The following CDH11 variants were observed in gnomAD, a reference collection of about 807,000 sequenced individuals.
The protein encoded by CDH11 is cadherin 11.
A neutral mutation model predicts 67.8 loss-of-function variants in CDH11; 11 were observed. That is an observed-to-expected ratio of 0.16 (90% CI 0.10 to 0.27). The LOEUF (loss-of-function observed/expected upper bound fraction) is 0.27, where lower values mean the gene tolerates loss of function less well. Ranked by LOEUF, CDH11 falls within the 10% of genes least tolerant of loss-of-function variation. The pLI is 1.00. For synonymous variants in CDH11, 419 were observed against 400.0 expected (o/e 1.05, Z -0.57); for missense variants, 847 against 1,031.2 (o/e 0.82, Z 2.45).
At chr16:65,082,960 G>A (rs958521239) in intron 1 of CDH11, among the ~76,000 whole-genome samples, 3 of 152,138 alleles carry the variant, frequency 2.0e-5, no homozygotes, top group African/African-American at 7.2e-5. Flanking sequence ...GGCACACAAG[G>A]GTTTTATGTA....
At chr16:65,122,163 C>A (rs974828222), upstream of CDH11, 1 of 552,592 alleles carries the variant, frequency 1.8e-6, no homozygotes, top group Non-Finnish European at 3.2e-6. Flanking sequence ...GGGAGGCTGC[C>A]GCTGTGAGGG....
At chr16:65,122,334 G>A, upstream of CDH11, 1 of 290,444 alleles carries the variant, frequency 3.4e-6, no homozygotes, top group South Asian at 3.1e-5. Context: ...GTGGCGCGGC[G>A]CTCCGACTCC....
chr16:65,094,749 A>G (rs2074857875), intron 1 of CDH11: 1 of 152,156 alleles, frequency 6.6e-6, no homozygotes, highest in African/African-American at 2.4e-5. Context: ...TTATCAAGGG[A>G]CTTAAAGGAG....
chr16:65,090,856 C>T (rs16968457), intron 1 of CDH11, among the ~76,000 whole-genome samples: 9,882 of 152,096 alleles, frequency 0.065, 520 homozygotes, highest in African/African-American at 0.15. Flanking sequence ...TAGAGGGAAC[C>T]GCTATTCCAT....
At chr16:64,994,634 C>T (rs1237022694) in intron 4 of CDH11, among the ~76,000 whole-genome samples, 1 of 152,110 alleles carries the variant, frequency 6.6e-6, no homozygotes, top group Non-Finnish European at 1.5e-5. Context: ...GAAGCATTCT[C>T]CTTCAGAGCA....
At chr16:65,074,962 C>A (rs569957325) in intron 1 of CDH11, among the ~76,000 whole-genome samples, 2 of 152,192 alleles carry the variant, frequency 1.3e-5, no homozygotes, top group South Asian at 4.1e-4. Context: ...CACACACATG[C>A]GCACATACAC....
intron 1 of CDH11, among the ~76,000 whole-genome samples, chr16:65,087,531 T>C (rs2074721296): frequency 6.6e-6 from 1 of 152,056 alleles, no homozygotes; most frequent in Admixed American, 6.5e-5. Flanking sequence ...TTTATCAGAG[T>C]TGATAAAAAT....
chr16:65,082,687 A>G (rs2074631146), intron 1 of CDH11, among the ~76,000 whole-genome samples: 1 of 152,246 alleles, frequency 6.6e-6, no homozygotes. Flanking sequence ...ATACCCAATT[A>G]AAGGCAGGAT....
chr16:65,033,237 AACAC>A (rs57645922), intron 2 of CDH11, among the ~76,000 whole-genome samples: 21 of 139,608 alleles, frequency 1.5e-4, no homozygotes, highest in South Asian at 2.4e-4. Flanking sequence ...AAACTAGGAA[AACAC>A]ACACACACAC....
chr16:65,018,992 T>C (rs1567531588), intron 2 of CDH11, among the ~76,000 whole-genome samples: 1 of 152,218 alleles, frequency 6.6e-6, no homozygotes, highest in Non-Finnish European at 1.5e-5. Context: ...ATAACAGTTA[T>C]GGGTATTATT....
intron 2 of CDH11, among the ~76,000 whole-genome samples, chr16:65,010,676 T>C (rs1015624388): frequency 2.0e-5 from 3 of 151,844 alleles, no homozygotes; most frequent in African/African-American, 7.3e-5. Context: ...CAAAGGTGAG[T>C]GGAAATTTTA....
chr16:65,119,833 T>G (rs2075295598), intron 1 of CDH11, among the ~76,000 whole-genome samples: 1 of 152,258 alleles, frequency 6.6e-6, no homozygotes, highest in African/African-American at 2.4e-5. Context: ...AAGATAATCC[T>G]TACTCAAGCA....
intron 1 of CDH11, among the ~76,000 whole-genome samples, chr16:65,082,907 A>G (rs1466967940): frequency 6.6e-6 from 1 of 152,186 alleles, no homozygotes; most frequent in Non-Finnish European, 1.5e-5. Flanking sequence ...TTGATGCTTT[A>G]CCTGTAATAG....
chr16:64,990,899 T>G (rs1037578994), intron 6 of CDH11, among the ~76,000 whole-genome samples: 2 of 152,182 alleles, frequency 1.3e-5, no homozygotes, highest in African/African-American at 2.4e-5. Context: ...ATCCTATTAA[T>G]TAGGTACTGT....
rs747793364 is a variant in CDH11 at position 65,036,168 on chromosome 16, A to T, written c.-173+17636T>A. Among the ~76,000 whole-genome samples, 114 of 152,304 alleles carry T rather than the reference A, an allele frequency of 7.5e-4. 1 individual carries two copies. Among genetic ancestry groups the T allele is most frequent in the Non-Finnish European group, 1.1e-3 (75 of 68,024 alleles). The stretch of plus-strand genomic sequence containing the variant: ...TAGGTGAAGAAATTGAAGCTCTAAG[A>T]GGCTAAATAGCTCACTCAAGGTCAT... On this transcript the variant is annotated intron_variant, in intron 2 of 12. Coordinates refer to ENST00000268603, the MANE Select transcript of CDH11 (RefSeq NM_001797.4).
At position 65,085,174 on chromosome 16, in the gene CDH11, G is replaced by A. The variant is rs568450185; in HGVS notation, c.-297-31246C>T. Among the ~76,000 whole-genome samples the A allele has an allele frequency of 3.9e-5, 6 of 152,280 alleles. No individual in the cohort carries two copies. The South Asian group carries it at 1.2e-3, about 32-fold the overall frequency. On this transcript the variant is annotated intron_variant, in intron 1 of 12. Transcript: ENST00000268603. ...TATCCATCCGCCTCGGCCTCCCAAAGTGCTGGGATTACAGGCATGAGCCAC... is the reference window on the plus strand; with the variant it reads ...TATCCATCCGCCTCGGCCTCCCAAAATGCTGGGATTACAGGCATGAGCCAC...
intron 11 of CDH11, chr16:64,968,316 T>C (rs1454539057): frequency 1.5e-5 from 8 of 526,260 alleles, no homozygotes; most frequent in African/African-American, 1.0e-4. Context: ...AAGAGCTACA[T>C]AGAGGAGAGA....
intron 1 of CDH11, among the ~76,000 whole-genome samples, chr16:65,084,492 A>T (rs2074663688): frequency 7.1e-6 from 1 of 141,092 alleles, no homozygotes; most frequent in African/African-American, 2.4e-5. Context: ...AGCCTATCTA[A>T]AGATTAAAAA....
intron 2 of CDH11, among the ~76,000 whole-genome samples, chr16:65,008,074 TAGAA>T: frequency 6.6e-6 from 1 of 152,252 alleles, no homozygotes. Flanking sequence ...TGAAGTGTAT[TAGAA>T]AGAAAGGGTT....
Sources: gnomAD v4.1 joint callset for allele counts (sites outside exome capture counted in the v4.1 genomes callset) on GRCh38, gnomAD v4.1.1 for gene constraint, MANE v1.5 for transcripts, NCBI Gene and HGNC (gene_info 2026-07-23, HGNC 2026-07-21) for gene names.